TMEM50B: variants seen among roughly 807,000 people sequenced by gnomAD.
TMEM50B encodes HCV p7-trans-regulated protein 3.
TMEM50B carries 14 observed loss-of-function variants against 23.4 expected under a neutral mutation model. The observed-to-expected ratio is 0.60, with a 90% CI of 0.39 to 0.93. The LOEUF is 0.93. Among genes scored for constraint, TMEM50B ranks in the 40% least tolerant of loss-of-function variants. The pLI is 0.00. For synonymous variants in TMEM50B, 64 were observed against 62.3 expected (o/e 1.03, Z -0.13); for missense variants, 159 against 193.0 (o/e 0.82, Z 1.04).
At chr21:33,448,907 T>TAAAAAAAAAAA (rs368082696), downstream of TMEM50B, 5 of 133,090 alleles carry the variant, frequency 3.8e-5, no homozygotes, top group Admixed American at 3.0e-4. Flanking sequence ...ATATTGTCTT[T>TAAAAAAAAAAA]AAAAAAAAAA....
At chr21:33,464,198 A>ATTT (rs34153471) in intron 4 of TMEM50B, among the ~76,000 whole-genome samples, 3 of 140,330 alleles carry the variant, frequency 2.1e-5, no homozygotes, top group Non-Finnish European at 1.5e-5. Flanking sequence ...TATAATGTAA[A>ATTT]TTTTTTTTTT....
chr21:33,452,890 ACT>A (rs2084134669), intron 6 of TMEM50B, among the ~76,000 whole-genome samples: 1 of 152,066 alleles, frequency 6.6e-6, no homozygotes, highest in African/African-American at 2.4e-5. Context: ...CTATAAATAT[ACT>A]CTGTGTGTTC....
intron 5 of TMEM50B, among the ~76,000 whole-genome samples, chr21:33,457,582 C>T (rs1466452756): frequency 1.3e-5 from 2 of 149,318 alleles, no homozygotes; most frequent in Non-Finnish European, 3.0e-5. Context: ...ACCCGGGAGG[C>T]AGAGGTTGCA....
At chr21:33,439,163 A>C (rs2083985981) in intron 8 of TMEM50B, 1 of 152,228 alleles carries the variant, frequency 6.6e-6, no homozygotes, top group African/African-American at 2.4e-5. Context: ...GTGCACCTTA[A>C]GTAGACAAGT....
intron 4 of TMEM50B, among the ~76,000 whole-genome samples, chr21:33,461,304 A>C (rs986266850): frequency 6.6e-6 from 1 of 152,226 alleles, no homozygotes; most frequent in Non-Finnish European, 1.5e-5. Flanking sequence ...TTTAGACACC[A>C]GATAAGGAAG....
chr21:33,478,282 C>T (rs1485839285), intron 1 of TMEM50B, among the ~76,000 whole-genome samples: 5 of 151,768 alleles, frequency 3.3e-5, no homozygotes, highest in African/African-American at 4.8e-5. Context: ...GCCTGGCCAA[C>T]ATGGTGAAAC....
chr21:33,455,803 A>G lies in TMEM50B; in HGVS notation c.374-19T>C. 1 of 1,601,674 alleles carries G rather than the reference A, an allele frequency of 6.2e-7. No homozygotes were observed. The highest frequency in any genetic ancestry group is 8.6e-7 in the Non-Finnish European group (1 of 1,169,230). The stretch of plus-strand genomic sequence containing the variant: ...TCAGTATCTACATACACAAAGTAAA[A>G]CAGATTAGACGGTTATATAGGCAAA... On this transcript the variant is annotated intron_variant, in intron 5 of 6. Transcript: ENST00000542230.
intron 6 of TMEM50B, 82 bp from the exon 7 acceptor site, chr21:33,450,945 C>T (rs2834220): frequency 0.51 from 606,978 of 1,180,072 alleles, 162,200 homozygotes; most frequent in East Asian, 0.83. Context: ...TATGCTTTGA[C>T]AGGTACTTCA....
rs567618777 is a variant in TMEM50B at position 33,438,438 on chromosome 21, G to A, written c.*2120+776C>T. On this transcript the variant is annotated intron_variant and NMD_transcript_variant, in intron 8 of 8. Transcript: ENST00000420455. ...TTAATCAATAGTAATGTTATCTACT[G>A]AGCACGCAAGTCATCTGATTGTGTC... Among the ~76,000 whole-genome samples the A allele has an allele frequency of 6.6e-5, 10 of 152,346 alleles. No individual in the cohort carries two copies. The South Asian group carries it at 2.1e-3, about 32-fold the overall frequency.
In TMEM50B at chr21:33,451,606, G is replaced by A. The variant is rs1369387139; in HGVS notation, c.432-743C>T. Among the ~76,000 whole-genome samples, 5 of 152,154 alleles carry A rather than the reference G, an allele frequency of 3.3e-5. No individual in the cohort carries two copies. The South Asian group carries it at 8.3e-4, about 25-fold the overall frequency. On this transcript the variant is annotated intron_variant, in intron 6 of 6. Coordinates refer to ENST00000542230, the MANE Select transcript of TMEM50B (RefSeq NM_006134.7). ...GCAAAGTGAGAGAGGATAAGGAGGC[G>A]GGAGCAGAGAGATGGGACACTCCAG...
intron 3 of TMEM50B, among the ~76,000 whole-genome samples, chr21:33,466,119 G>C (rs1362882781): frequency 6.6e-6 from 1 of 151,958 alleles, no homozygotes; most frequent in Non-Finnish European, 1.5e-5. Flanking sequence ...AAATTAGCTG[G>C]GCGTAGTGGC....
intron 5 of TMEM50B, among the ~76,000 whole-genome samples, chr21:33,457,696 A>T (rs1358659397): frequency 1.3e-5 from 2 of 152,110 alleles, no homozygotes; most frequent in East Asian, 3.8e-4. Flanking sequence ...AAGCCTTTAC[A>T]AACAATATTT....
In TMEM50B at chr21:33,443,257, A is replaced by C. The variant is rs369440232; in HGVS notation, c.*2037-3960T>G. On this transcript the variant is annotated intron_variant and NMD_transcript_variant, in intron 7 of 8. Coordinates refer to the TMEM50B transcript ENST00000420455. ...AATCAAACTAATGTGTTTCTTGACT[A>C]TTTACTTTCTGAAATTTTCCTGTGA... Among the ~76,000 whole-genome samples the C allele has an allele frequency of 2.0e-4, 30 of 152,280 alleles. No homozygotes were observed. In the East Asian group the frequency reaches 2.7e-3, roughly 14 times the overall value.
Position 33,450,909 on chromosome 21 carries a change from A to AGTT in TMEM50B, c.432-47_432-46insAAC, listed in dbSNP as rs1386800861. ...ATCATGAGGAAAAAACCGATGGAAC[A>AGTT]AGCAACACAGAATTCATTTTCTCAA... On this transcript the variant is annotated intron_variant, in intron 6 of 6. Transcript: ENST00000542230. 5 of 1,511,392 alleles carry AGTT rather than the reference A, an allele frequency of 3.3e-6. No individual in the cohort carries two copies. In the South Asian group the frequency reaches 5.7e-5, roughly 17 times the overall value. 93.6% of individuals were successfully genotyped at this position (1,511,392 alleles called of 1,614,324 possible). A position where few individuals can be genotyped will look rare whatever the true frequency, so the allele number is the denominator to read the frequency against.
intron 1 of TMEM50B, among the ~76,000 whole-genome samples, chr21:33,471,334 C>T (rs577793172): frequency 3.7e-5 from 5 of 135,198 alleles, no homozygotes; most frequent in African/African-American, 1.2e-4. Context: ...TTATTCACAA[C>T]GTCCAATATA....
At chr21:33,448,024 G>A (rs528881830), downstream of TMEM50B, among the ~76,000 whole-genome samples, 12 of 152,064 alleles carry the variant, frequency 7.9e-5, no homozygotes, top group South Asian at 1.7e-3. Flanking sequence ...ACGGAGTCTC[G>A]CTTTGTCACC....
chr21:33,466,343 T>A (rs534638675), intron 3 of TMEM50B, among the ~76,000 whole-genome samples: 2 of 152,258 alleles, frequency 1.3e-5, no homozygotes, highest in African/African-American at 4.8e-5. Flanking sequence ...AAGACATCCA[T>A]AAAAAGCTTC....
At chr21:33,447,979 CTCTTT>C (rs1474400930), downstream of TMEM50B, among the ~76,000 whole-genome samples, 2 of 151,988 alleles carry the variant, frequency 1.3e-5, no homozygotes, top group African/African-American at 4.8e-5. Context: ...CTAACATTAT[CTCTTT>C]TATGTTTTTA....
chr21:33,466,013 G>A (rs966605935), intron 3 of TMEM50B, among the ~76,000 whole-genome samples: 1 of 152,074 alleles, frequency 6.6e-6, no homozygotes, highest in Non-Finnish European at 1.5e-5. Context: ...TGTAATCCCA[G>A]CACTTTGAGA....
Sources: gnomAD v4.1 joint callset for allele counts (sites outside exome capture counted in the v4.1 genomes callset) on GRCh38, gnomAD v4.1.1 for gene constraint, MANE v1.5 for transcripts, NCBI Gene and HGNC (gene_info 2026-07-23, HGNC 2026-07-21) for gene names.